KIAA0586: variants seen among roughly 807,000 people sequenced by gnomAD.
KIAA0586 encodes KIAA0586, also known as protein TALPID3.
In KIAA0586, 144 loss-of-function variants were observed where a neutral mutation model predicts 169.8. That is an observed-to-expected ratio of 0.85 (90% CI 0.74 to 0.97). KIAA0586 has a LOEUF of 0.97. KIAA0586 is among the 50% of genes least tolerant of loss of function. KIAA0586 has a pLI of 0.00. For missense variants in KIAA0586, 1,854 were observed against 1,823.0 expected (o/e 1.02, Z -0.31); for synonymous variants, 625 against 612.4 (o/e 1.02, Z -0.30).
At chr14:58,521,580 GA>G in intron 29 of KIAA0586, 3 of 975,890 alleles carry the variant, frequency 3.1e-6, no homozygotes, top group Admixed American at 1.7e-5. Context: ...ACATGAAGGG[GA>G]AAAAGTGGCT....
downstream of KIAA0586, among the ~76,000 whole-genome samples, chr14:58,555,712 A>ATGCCACTCCCAGGCTGCTGTCAGAGAC (rs2140176090): frequency 6.6e-6 from 1 of 152,228 alleles, no homozygotes; most frequent in South Asian, 2.1e-4. Flanking sequence ...TTGATGGATC[A>ATGCCACTCCCAGGCTGCTGTCAGAGAC]TGCCACTCCC....
chr14:58,489,158 CGTATGTGGAT>C (rs1381512525), intron 24 of KIAA0586, among the ~76,000 whole-genome samples: 6 of 151,154 alleles, frequency 4.0e-5, no homozygotes, highest in African/African-American at 1.5e-4. Context: ...TAAATACATA[CGTATGTGGAT>C]GTATGTTTAC....
At chr14:58,491,584 G>A (rs2042835854) in intron 25 of KIAA0586, among the ~76,000 whole-genome samples, 1 of 152,192 alleles carries the variant, frequency 6.6e-6, no homozygotes, top group Admixed American at 6.6e-5. Flanking sequence ...CTATTTTGAG[G>A]CATGAGGAAG....
At position 58,516,881 on chromosome 14, in the gene KIAA0586, G is replaced by A. The variant is rs541241112; in HGVS notation, c.4429+4254G>A. ...ATTGATTTTTACAAATGGGAAAGAC[G>A]ATTCCATGGAGAAAGGATAATCTTT... On this transcript the variant is annotated intron_variant, in intron 29 of 30. Coordinates refer to ENST00000652326, the MANE Select transcript of KIAA0586 (RefSeq NM_001329943.3). Among the ~76,000 whole-genome samples, 25 of 152,136 alleles carry A rather than the reference G, an allele frequency of 1.6e-4. No homozygotes were observed. The East Asian group carries it at 2.1e-3, about 13-fold the overall frequency.
Position 58,519,266 on chromosome 14 carries a change from A to G in KIAA0586, c.4429+6639A>G, listed in dbSNP as rs147095211. Among the ~76,000 whole-genome samples, 458 of 152,290 alleles carry G rather than the reference A, an allele frequency of 3.0e-3. 3 individuals are homozygous for G. Among genetic ancestry groups the G allele is most frequent in the African/African-American group, 0.01 (436 of 41,556 alleles). On this transcript the variant is annotated intron_variant, in intron 29 of 30. Coordinates refer to ENST00000652326, the MANE Select transcript of KIAA0586 (RefSeq NM_001329943.3). Reference sequence around the variant, plus strand: ...AGTTTTGTTTGTTTGTTTTATAGAGATAGAGTTTCACTGTCACCCAGGCTG... The same window carrying G: ...AGTTTTGTTTGTTTGTTTTATAGAGGTAGAGTTTCACTGTCACCCAGGCTG...
intron 27 of KIAA0586, 111 bp downstream of exon 27, chr14:58,499,071 G>A: frequency 1.1e-6 from 1 of 916,264 alleles, no homozygotes; most frequent in South Asian, 2.0e-5. Context: ...TTATTAAAAG[G>A]GATTTTAATA....
chr14:58,458,676 A>G (rs994661351), intron 12 of KIAA0586, 131 bp downstream of exon 12: 2 of 544,678 alleles, frequency 3.7e-6, no homozygotes, highest in Non-Finnish European at 3.2e-6. Flanking sequence ...TTTAATTGTC[A>G]CTCTTTATAT....
At chr14:58,474,207 A>G (rs1042236794) in intron 18 of KIAA0586, among the ~76,000 whole-genome samples, 1 of 152,152 alleles carries the variant, frequency 6.6e-6, no homozygotes, top group Non-Finnish European at 1.5e-5. Context: ...CCCCATCTCC[A>G]ACACTGGGGA....
Position 58,477,194 on chromosome 14 carries a change from T to C in KIAA0586, c.2897T>C (p.Ile966Thr). The C allele has an allele frequency of 6.3e-7, 1 of 1,580,796 alleles. No homozygotes were observed. Among genetic ancestry groups the C allele is most frequent in the Non-Finnish European group, 8.6e-7 (1 of 1,160,848 alleles). ...GTCCAGCAACAGATTGCACCTAGTA[T>C]CAGTGTTTCAGTCAGTGAGACAAGT... Reference protein sequence around the residue: ...FPVQQQIAPSISVSVSETSEP... With the variant: ...FPVQQQIAPSTSVSVSETSEP... The change falls in exon 20 of 31, where the codon ATC becomes ACC. Residue 966 changes from isoleucine to threonine, a missense_variant. By Grantham distance (89) the Ile-to-Thr change is moderately conservative (BLOSUM62 -1). Coordinates refer to ENST00000652326, the MANE Select transcript of KIAA0586 (RefSeq NM_001329943.3).
chr14:58,545,839 C>T (rs1471669442), intron 30 of KIAA0586, among the ~76,000 whole-genome samples: 1 of 151,728 alleles, frequency 6.6e-6, no homozygotes, highest in Non-Finnish European at 1.5e-5. Flanking sequence ...TGAGACCAGC[C>T]CCGGCATCAT....
chr14:58,503,408 G>A (rs974374291), intron 27 of KIAA0586, among the ~76,000 whole-genome samples: 3 of 152,112 alleles, frequency 2.0e-5, no homozygotes, highest in African/African-American at 7.2e-5. Flanking sequence ...ATGTGAAATT[G>A]AATCTTAAGG....
chr14:58,507,363 C>T (rs1595422581), intron 27 of KIAA0586, among the ~76,000 whole-genome samples: 1 of 143,442 alleles, frequency 7.0e-6, no homozygotes, highest in South Asian at 2.2e-4. Flanking sequence ...TATAATATAT[C>T]ATATATATGA....
At chr14:58,525,396 C>T (rs2045512349) in intron 29 of KIAA0586, among the ~76,000 whole-genome samples, 1 of 151,878 alleles carries the variant, frequency 6.6e-6, no homozygotes, top group Non-Finnish European at 1.5e-5. Flanking sequence ...ACAGTGGGTG[C>T]AGCCCACGGA....
rs5808973 is a variant in KIAA0586, at chr14:58,487,870, T to TA, written c.3305-8dup. 1,334,234 of 1,369,918 alleles carry TA rather than the reference T, an allele frequency of 0.97. 649,345 individuals are homozygous for TA. The highest frequency in any genetic ancestry group is 0.98 in the East Asian group (39,690 of 40,546). 84.9% of individuals were successfully genotyped at this position (1,369,918 alleles called of 1,614,324 possible). A position where few individuals can be genotyped will look rare whatever the true frequency, so the allele number is the denominator to read the frequency against. On this transcript the variant is annotated splice_polypyrimidine_tract_variant and intron_variant, in intron 22 of 30. Coordinates refer to ENST00000652326, the MANE Select transcript of KIAA0586 (RefSeq NM_001329943.3). ...TGACTACTATCTTTTTCTGTCCTTT[T>TA]AAAAAAAAACCTTTAGGAGATGATA...
intron 20 of KIAA0586, among the ~76,000 whole-genome samples, chr14:58,479,219 G>A (rs74969503): frequency 8.0e-4 from 122 of 152,262 alleles, no homozygotes; most frequent in African/African-American, 2.7e-3. Context: ...AGCCATTTCT[G>A]AACATATGTG....
chr14:58,475,001 A>G (rs939163120), intron 19 of KIAA0586, among the ~76,000 whole-genome samples: 10 of 152,250 alleles, frequency 6.6e-5, no homozygotes, highest in African/African-American at 2.4e-4. Context: ...TTTGTACTCA[A>G]TCTGTCTACT....
intron 16 of KIAA0586, among the ~76,000 whole-genome samples, chr14:58,470,351 A>G (rs1374444239): frequency 6.6e-6 from 1 of 152,152 alleles, no homozygotes; most frequent in Admixed American, 6.5e-5. Flanking sequence ...AGATAGTAAA[A>G]GACAAAGGGA....
intron 29 of KIAA0586, chr14:58,521,201 A>C (rs1404233241): frequency 2.4e-5 from 20 of 842,630 alleles, no homozygotes; most frequent in Admixed American, 4.6e-5. Context: ...TGGCTTTGTG[A>C]GAAGCCTCAT....
rs376019020 is a variant in KIAA0586, at chr14:58,470,604, C to G, written c.2443-9C>G. 1 of 1,481,290 alleles carries G rather than the reference C, an allele frequency of 6.8e-7. No individual in the cohort carries two copies. Among genetic ancestry groups the G allele is most frequent in the African/African-American group, 1.4e-5 (1 of 72,242 alleles). The allele number at this position is 1,481,290 out of a possible 1,614,324, so 91.8% of individuals were successfully genotyped here. ...TAAACAGAAAGCTGAATGTTGTATTCTGTTTTAGGTATTACCCAGTGTAGA... is the reference window on the plus strand; with the variant it reads ...TAAACAGAAAGCTGAATGTTGTATTGTGTTTTAGGTATTACCCAGTGTAGA... On this transcript the variant is annotated splice_polypyrimidine_tract_variant and intron_variant, in intron 16 of 30. Transcript: ENST00000652326.
Sources: gnomAD v4.1 joint callset for allele counts (sites outside exome capture counted in the v4.1 genomes callset) on GRCh38, gnomAD v4.1.1 for gene constraint, MANE v1.5 for transcripts, NCBI Gene and HGNC (gene_info 2026-07-23, HGNC 2026-07-21) for gene names.